POLR3B: variants seen among roughly 807,000 people sequenced by gnomAD.
POLR3B encodes DNA-directed RNA polymerase III subunit RPC2.
In POLR3B, 96 loss-of-function variants were observed where a neutral mutation model predicts 147.4. That is an observed-to-expected ratio of 0.65 (90% CI 0.55 to 0.77). POLR3B has a LOEUF of 0.77. POLR3B is among the 30% of genes least tolerant of loss of function. The probability of loss-of-function intolerance (pLI) is 0.00; values close to 1 mark genes in which losing one functional copy is unlikely to be tolerated. For missense variants in POLR3B, 1,036 were observed against 1,413.5 expected (o/e 0.73, Z 4.28); for synonymous variants, 461 against 485.9 (o/e 0.95, Z 0.67).
Position 106,496,714 on chromosome 12 carries a change from A to G in POLR3B, c.2818-38A>G, listed in dbSNP as rs1592776223. 5.0e-6 allele frequency: 8 copies of G among 1,598,462 alleles called. No individual in the cohort carries two copies. In the East Asian group the frequency reaches 1.6e-4, roughly 31 times the overall value. ...AATAAGCAGAGAGAGTGCTTGTGCCACAGGGAGGTGCTCACTTAATTTGTT... is the reference window on the plus strand; with the variant it reads ...AATAAGCAGAGAGAGTGCTTGTGCCGCAGGGAGGTGCTCACTTAATTTGTT... On this transcript the variant is annotated intron_variant, in intron 24 of 27. Coordinates refer to ENST00000228347, the MANE Select transcript of POLR3B (RefSeq NM_018082.6).
chr12:106,509,517 C>G lies in POLR3B; in HGVS notation c.3370C>G (p.Pro1124Ala), dbSNP rs777235804. The G allele has an allele frequency of 6.2e-7, 1 of 1,612,852 alleles. No individual in the cohort carries two copies. The highest frequency in any genetic ancestry group is 1.7e-5 in the Admixed American group (1 of 60,004). The change falls in exon 28 of 28, where the codon CCC (proline) becomes GCC (alanine). Residue 1124 changes from proline to alanine, a missense_variant. Physicochemically the swap from Pro to Ala is conservative, Grantham distance 27. Transcript: ENST00000228347. ...FQELQSMNII[P>A]RLKLSKYNE is the part of the protein sequence containing the mutation. The stretch of plus-strand genomic sequence containing the variant: ...GGAACTACAGTCTATGAACATCATC[C>G]CCAGGTTAAAACTGTCCAAGTACAA...
At chr12:106,360,794 CA>C (rs2036459595) in intron 1 of POLR3B, among the ~76,000 whole-genome samples, 1 of 152,182 alleles carries the variant, frequency 6.6e-6, no homozygotes, top group Non-Finnish European at 1.5e-5. Context: ...AGGGTTTATA[CA>C]AGTTCAAAAA....
chr12:106,477,584 C>A (rs1227701573), intron 23 of POLR3B, among the ~76,000 whole-genome samples: 1 of 151,984 alleles, frequency 6.6e-6, no homozygotes, highest in African/African-American at 2.4e-5. Context: ...TTTTTTAAGC[C>A]GGTCTGAAAA....
At chr12:106,390,222 A>AAAAAAAAAAAAAGC (rs1428811463) in intron 9 of POLR3B, among the ~76,000 whole-genome samples, 13 of 149,614 alleles carry the variant, frequency 8.7e-5, no homozygotes, top group African/African-American at 3.0e-4. Flanking sequence ...TGTCTCTGAA[A>AAAAAAAAAAAAAGC]AAAAAAAAAA....
At chr12:106,451,822 A>G (rs1250793781) in intron 19 of POLR3B, among the ~76,000 whole-genome samples, 3 of 152,150 alleles carry the variant, frequency 2.0e-5, no homozygotes, top group African/African-American at 7.2e-5. Flanking sequence ...ATTTTAACTT[A>G]CATTTGTTTA....
chr12:106,394,938 C>T (rs150997707), intron 10 of POLR3B, among the ~76,000 whole-genome samples: 23 of 152,236 alleles, frequency 1.5e-4, no homozygotes, highest in South Asian at 2.1e-4. Context: ...TTAACAGTTA[C>T]GAAAACATGA....
At chr12:106,397,673 C>G (rs1202286479) in intron 10 of POLR3B, among the ~76,000 whole-genome samples, 2 of 152,106 alleles carry the variant, frequency 1.3e-5, no homozygotes, top group Non-Finnish European at 2.9e-5. Flanking sequence ...GTCAGTTATC[C>G]ATGTAGTTCA....
intron 23 of POLR3B, among the ~76,000 whole-genome samples, chr12:106,478,926 TA>T (rs2038222686): frequency 6.6e-6 from 1 of 152,204 alleles, no homozygotes; most frequent in Non-Finnish European, 1.5e-5. Flanking sequence ...AAATTCCATG[TA>T]AATTGTAATG....
intron 27 of POLR3B, chr12:106,507,928 G>T: frequency 5.1e-6 from 2 of 391,556 alleles, no homozygotes; most frequent in African/African-American, 2.1e-5. Context: ...ACCCAGAGAT[G>T]ACCACTATTA....
intron 12 of POLR3B, among the ~76,000 whole-genome samples, chr12:106,422,441 T>C (rs1388609783): frequency 6.6e-6 from 1 of 152,228 alleles, no homozygotes; most frequent in Non-Finnish European, 1.5e-5. Context: ...ACCTCTTTTC[T>C]TTATAAAGTA....
At position 106,363,759 on chromosome 12, in the gene POLR3B, T is replaced by C. The variant is rs2036497270; in HGVS notation, c.73-111T>C. On this transcript the variant is annotated intron_variant, in intron 1 of 27. Transcript: ENST00000228347. Reference sequence around the variant, plus strand: ...TTTCCATAAAAATGTTTAAAAATTATTCTTTTTGTTTTGATTTACTTTCCT... The same window carrying C: ...TTTCCATAAAAATGTTTAAAAATTACTCTTTTTGTTTTGATTTACTTTCCT... The C allele has an allele frequency of 8.9e-6, 8 of 899,642 alleles. No homozygotes were observed. In the South Asian group the frequency reaches 1.0e-4, roughly 11 times the overall value. 55.7% of individuals were successfully genotyped at this position (899,642 alleles called of 1,614,324 possible).
chr12:106,412,723 A>AT (rs2037244799), intron 12 of POLR3B, among the ~76,000 whole-genome samples: 1 of 152,190 alleles, frequency 6.6e-6, no homozygotes, highest in Non-Finnish European at 1.5e-5. Context: ...ACTCAGCGGC[A>AT]TTTTATTGGC....
At chr12:106,435,921 C>T (rs2037570694) in intron 16 of POLR3B, among the ~76,000 whole-genome samples, 1 of 152,080 alleles carries the variant, frequency 6.6e-6, no homozygotes, top group African/African-American at 2.4e-5. Flanking sequence ...CGTTGAGTAA[C>T]GTAAGGATAA....
chr12:106,463,512 G>C lies in POLR3B; in HGVS notation c.2605G>C (p.Val869Leu). ...KGATDSYIEK[V>L]MISSNAEDAF... ...AGCAACAGACTCATATATTGAAAAA[G>C]TGATGATATCTTCAAATGCTGAAGA... Residue 869 changes from valine to leucine, a missense_variant, in exon 23 of 28, where the codon GTG becomes CTG. Physicochemically the swap from Val to Leu is conservative, Grantham distance 32 (BLOSUM62 1). Transcript: ENST00000228347. 2 of 1,613,304 alleles carry C rather than the reference G, an allele frequency of 1.2e-6. No individual in the cohort carries two copies. Among genetic ancestry groups the C allele is most frequent in the Non-Finnish European group, 1.7e-6 (2 of 1,179,318 alleles).
In POLR3B at chr12:106,413,482, G is replaced by A. The variant is rs568885686; in HGVS notation, c.1101+2522G>A. ...TGGGGTTCATGCCATGTACCTTATA[G>A]GATTGTTATGGGATTAGATGAATGA... On this transcript the variant is annotated intron_variant, in intron 12 of 27. Coordinates refer to ENST00000228347, the MANE Select transcript of POLR3B (RefSeq NM_018082.6). 2.8e-4 allele frequency among the ~76,000 whole-genome samples: 43 copies of A among 152,228 alleles called. No individual in the cohort carries two copies. The South Asian group carries it at 7.9e-3, about 28-fold the overall frequency.
chr12:106,448,033 C>T (rs757955602), intron 19 of POLR3B, among the ~76,000 whole-genome samples: 1 of 152,082 alleles, frequency 6.6e-6, no homozygotes, highest in Non-Finnish European at 1.5e-5. Context: ...TCATTCTACA[C>T]CTCCTCCCCC....
chr12:106,457,167 G>A lies in POLR3B; in HGVS notation c.2323G>A (p.Ala775Thr). 1.2e-6 allele frequency: 2 copies of A among 1,613,560 alleles called. No individual in the cohort carries two copies. The highest frequency in any genetic ancestry group is 1.7e-6 in the Non-Finnish European group (2 of 1,179,588). ...TGGGCGTTGCCTTGTATATAAAAATGCTAAATGTACGTTGAAACGATACAC... is the reference window on the plus strand; with the variant it reads ...TGGGCGTTGCCTTGTATATAAAAATACTAAATGTACGTTGAAACGATACAC... ...GFGRCLVYKN[A>T]KCTLKRYTNQ... is the part of the protein sequence containing the mutation. The change falls in exon 21 of 28, where the codon GCT becomes ACT. Residue 775 changes from alanine to threonine, a missense_variant. By Grantham distance (58) the Ala-to-Thr change is moderately conservative (BLOSUM62 0). Transcript: ENST00000228347.
intron 10 of POLR3B, among the ~76,000 whole-genome samples, chr12:106,403,715 A>G (rs1158754764): frequency 6.6e-6 from 1 of 151,078 alleles, no homozygotes; most frequent in Non-Finnish European, 1.5e-5. Context: ...CAAGGACAAA[A>G]AACCAAACAC....
intron 15 of POLR3B, among the ~76,000 whole-genome samples, 164 bp from the exon 16 acceptor site, chr12:106,433,555 T>A (rs181048121): frequency 3.5e-4 from 53 of 152,318 alleles, no homozygotes; most frequent in African/African-American, 9.6e-4. Flanking sequence ...TAAGCATTCT[T>A]CCTTTGTTGC....
Sources: allele counts gnomAD v4.1 joint callset (sites outside exome capture counted in the v4.1 genomes callset), GRCh38; gene constraint gnomAD v4.1.1; transcripts MANE v1.5; gene names NCBI Gene and HGNC (gene_info 2026-07-23, HGNC 2026-07-21).